The following GPR158 variants were observed in gnomAD, a reference collection of about 807,000 sequenced individuals.
The protein encoded by GPR158 is G protein-coupled receptor 158, also known as metabotropic glycine receptor.
Under a neutral mutation model 78.2 loss-of-function variants are expected in GPR158, and 30 were observed. The observed-to-expected ratio is 0.38, with a 90% CI of 0.29 to 0.52. The LOEUF (loss-of-function observed/expected upper bound fraction) is 0.52, where lower values mean the gene tolerates loss of function less well. GPR158 is among the 20% of genes least tolerant of loss of function. The pLI, the probability that GPR158 is intolerant of heterozygous loss-of-function variation, is 0.83. For missense variants in GPR158, 1,463 were observed against 1,523.5 expected (o/e 0.96, Z 0.66); for synonymous variants, 581 against 591.1 (o/e 0.98, Z 0.25).
At chr10:25,511,186 G>A (rs191686803) in intron 5 of GPR158, among the ~76,000 whole-genome samples, 76 of 151,962 alleles carry the variant, frequency 5.0e-4, no homozygotes, top group African/African-American at 1.8e-3. Flanking sequence ...TTCCCTTTTT[G>A]CCACATCCCT....
At chr10:25,261,375 T>C (rs16925510) in intron 2 of GPR158, among the ~76,000 whole-genome samples, 1,550 of 152,246 alleles carry the variant, frequency 0.01, 23 homozygotes, top group South Asian at 0.058. Context: ...CAAACCAATA[T>C]ACTTTCTGTG....
At chr10:25,524,636 C>T (rs1416049629) in intron 5 of GPR158, among the ~76,000 whole-genome samples, 2 of 152,064 alleles carry the variant, frequency 1.3e-5, no homozygotes, top group Non-Finnish European at 2.9e-5. Context: ...AAATTTAACT[C>T]AAAACAGCTC....
Position 25,492,018 on chromosome 10 carries a change from A to G in GPR158, c.1404+25299A>G, listed in dbSNP as rs568636618. Among the ~76,000 whole-genome samples the G allele has an allele frequency of 9.2e-5, 14 of 152,302 alleles. 1 individual carries two copies. The South Asian group carries it at 2.9e-3, about 32-fold the overall frequency. On this transcript the variant is annotated intron_variant, in intron 5 of 10. Coordinates refer to ENST00000376351, the MANE Select transcript of GPR158 (RefSeq NM_020752.3). The stretch of plus-strand genomic sequence containing the variant: ...TTTGGCTCATGGTTCTGCAGGCTGT[A>G]CAAGGAGCTTGGTGCCATCATCTGT...
intron 5 of GPR158, among the ~76,000 whole-genome samples, chr10:25,523,624 T>A (rs1836307762): frequency 6.6e-6 from 1 of 152,144 alleles, no homozygotes; most frequent in Non-Finnish European, 1.5e-5. Context: ...AATAGACAAT[T>A]TAATCAAAAT....
At chr10:25,530,514 C>T (rs187236063) in intron 5 of GPR158, among the ~76,000 whole-genome samples, 27 of 152,254 alleles carry the variant, frequency 1.8e-4, no homozygotes, top group Admixed American at 9.8e-4. Flanking sequence ...GCGTCCTTGC[C>T]CCACCTCCCC....
At chr10:25,573,169 T>C (rs183286913) in intron 7 of GPR158, among the ~76,000 whole-genome samples, 174 of 152,340 alleles carry the variant, frequency 1.1e-3, no homozygotes, top group African/African-American at 4.0e-3. Context: ...TATAAAGAGC[T>C]TACTTTTCTC....
At position 25,492,907 on chromosome 10, in the gene GPR158, T is replaced by C. The variant is rs1428766117; in HGVS notation, c.1404+26188T>C. ...ATAAACAAATATTAATATATTAATA[T>C]ATAATATATTTCAATATCCAATTTT... On this transcript the variant is annotated intron_variant, in intron 5 of 10. Coordinates refer to ENST00000376351, the MANE Select transcript of GPR158 (RefSeq NM_020752.3). Among the ~76,000 whole-genome samples the C allele has an allele frequency of 2.7e-5, 4 of 148,766 alleles. No individual in the cohort carries two copies. The East Asian group carries it at 7.8e-4, about 29-fold the overall frequency.
In GPR158 at chr10:25,320,970, A is replaced by G. The variant is rs180916405; in HGVS notation, c.1009-74941A>G. On this transcript the variant is annotated intron_variant, in intron 2 of 10. Transcript: ENST00000376351. ...TTATGCAATGGCATTCATATGTAACATACACATACTGGATTCCTTGAAAGT... is the reference window on the plus strand; with the variant it reads ...TTATGCAATGGCATTCATATGTAACGTACACATACTGGATTCCTTGAAAGT... Among the ~76,000 whole-genome samples the G allele has an allele frequency of 5.9e-5, 9 of 152,334 alleles. No individual in the cohort carries two copies. In the East Asian group the frequency reaches 1.5e-3, roughly 26 times the overall value.
At chr10:25,305,065 T>C (rs544415627) in intron 2 of GPR158, among the ~76,000 whole-genome samples, 3 of 152,352 alleles carry the variant, frequency 2.0e-5, no homozygotes, top group Non-Finnish European at 2.9e-5. Context: ...TCTGAAAACA[T>C]TGAATGAAGC....
intron 7 of GPR158, among the ~76,000 whole-genome samples, chr10:25,574,559 A>G (rs1295093515): frequency 6.6e-6 from 1 of 152,182 alleles, no homozygotes; most frequent in Non-Finnish European, 1.5e-5. Context: ...TGTTTATATT[A>G]CTGTAAAGAG....
chr10:25,217,672 T>C (rs1351210401), intron 1 of GPR158, among the ~76,000 whole-genome samples: 2 of 152,196 alleles, frequency 1.3e-5, no homozygotes, highest in Non-Finnish European at 2.9e-5. Flanking sequence ...GTCCAACCTA[T>C]GGCACTTGGC....
At chr10:25,552,579 G>A (rs1042027226) in intron 6 of GPR158, among the ~76,000 whole-genome samples, 9 of 152,130 alleles carry the variant, frequency 5.9e-5, no homozygotes, top group African/African-American at 2.2e-4. Context: ...CTTTCTCCTT[G>A]TAGTGAGAAT....
rs147087543 is a variant in GPR158 at position 25,222,400 on chromosome 10, C to A, written c.1008+1243C>A. On this transcript the variant is annotated intron_variant, in intron 2 of 10. Transcript: ENST00000376351. ...TCTCCACCATATCCTGATGATCCCC[C>A]ACTTCATCAATACATTCCCACAGCC... Among the ~76,000 whole-genome samples the A allele has an allele frequency of 7.4e-3, 1,118 of 150,870 alleles. 5 individuals are homozygous for A. Among genetic ancestry groups the A allele is most frequent in the Admixed American group, 0.012 (184 of 15,024 alleles).
intron 5 of GPR158, among the ~76,000 whole-genome samples, chr10:25,517,078 G>T (rs1399060506): frequency 6.7e-6 from 1 of 149,438 alleles, no homozygotes; most frequent in Non-Finnish European, 1.5e-5. Context: ...CCTTGAAGAG[G>T]TCCTTCACAT....
intron 2 of GPR158, among the ~76,000 whole-genome samples, chr10:25,248,356 A>G (rs1192478081): frequency 1.3e-5 from 2 of 152,012 alleles, no homozygotes; most frequent in Admixed American, 6.6e-5. Flanking sequence ...TTTTGTTGCC[A>G]TTGCTTTTGG....
chr10:25,224,665 T>A (rs1261371625), intron 2 of GPR158, among the ~76,000 whole-genome samples: 1 of 152,056 alleles, frequency 6.6e-6, no homozygotes, highest in Non-Finnish European at 1.5e-5. Context: ...TTATGCTTAG[T>A]TTTAATATCT....
intron 5 of GPR158, among the ~76,000 whole-genome samples, chr10:25,522,211 G>A (rs1019379062): frequency 6.6e-6 from 1 of 152,168 alleles, no homozygotes; most frequent in African/African-American, 2.4e-5. Context: ...TCTCACTTCT[G>A]TCATTTCTTG....
At chr10:25,386,191 AAT>A (rs1338095924) in intron 2 of GPR158, among the ~76,000 whole-genome samples, 2 of 152,142 alleles carry the variant, frequency 1.3e-5, no homozygotes, top group Non-Finnish European at 2.9e-5. Context: ...CCATTTTCCA[AAT>A]ACCACCTGTT....
rs1413947437 is a variant in GPR158 at position 25,450,322 on chromosome 10, C to T, written c.1336-16329C>T. ...AGCTGAGGGGCAAGCCGGGGCTGTT[C>T]TGTGCTGAAGATGCTCTCCATCTTC... On this transcript the variant is annotated intron_variant, in intron 4 of 10. Coordinates refer to ENST00000376351, the MANE Select transcript of GPR158 (RefSeq NM_020752.3). 2.7e-5 allele frequency among the ~76,000 whole-genome samples: 4 copies of T among 150,728 alleles called. No homozygotes were observed. In the East Asian group the frequency reaches 7.8e-4, roughly 29 times the overall value.
Sources: allele counts gnomAD v4.1 joint callset (sites outside exome capture counted in the v4.1 genomes callset), GRCh38; gene constraint gnomAD v4.1.1; transcripts MANE v1.5; gene names NCBI Gene and HGNC (gene_info 2026-07-23, HGNC 2026-07-21).